Variants in INSL6 observed in about 807,000 individuals in gnomAD.
INSL6 encodes insulin like 6.
A neutral mutation model predicts 9.4 loss-of-function variants in INSL6; 16 were observed. The ratio of observed to expected loss-of-function variants is 1.70; its 90% CI spans 1.15 to 2.59. The LOEUF (loss-of-function observed/expected upper bound fraction) is 2.59. Ranked by LOEUF, INSL6 falls within the 30% of genes most tolerant of loss-of-function variation. The pLI, the probability that INSL6 is intolerant of heterozygous loss-of-function variation, is 0.00. For synonymous variants in INSL6, 154 were observed against 96.9 expected (o/e 1.59, Z -3.46); for missense variants, 391 against 257.3 (o/e 1.52, Z -3.56).
the INSL6 span, among the ~76,000 whole-genome samples, chr9:5,029,001 G>C: frequency 6.6e-6 from 1 of 152,044 alleles, no homozygotes; most frequent in African/African-American, 2.4e-5. Context: ...CTTTTTCTTT[G>C]CATTCAGAAC....
chr9:5,042,167 G>C, the INSL6 span, among the ~76,000 whole-genome samples: 2 of 109,346 alleles, frequency 1.8e-5, no homozygotes, highest in African/African-American at 7.2e-5. Flanking sequence ...GTCTCGCTTT[G>C]TCGCCCAGGC....
At chr9:5,132,773 TG>T (rs1282830471) in intron 3 of INSL6, 8 of 152,232 alleles carry the variant, frequency 5.3e-5, no homozygotes, top group African/African-American at 1.9e-4. Context: ...AAACCAATTA[TG>T]GATGTAGCAA....
the INSL6 span, among the ~76,000 whole-genome samples, chr9:5,040,372 G>A: frequency 6.6e-6 from 1 of 151,808 alleles, no homozygotes; most frequent in Non-Finnish European, 1.5e-5. Flanking sequence ...AAACACAGAA[G>A]TCTTTGTGTA....
chr9:5,183,463 T>C (rs554466554), intron 1 of INSL6, among the ~76,000 whole-genome samples: 3 of 152,358 alleles, frequency 2.0e-5, no homozygotes, highest in East Asian at 3.9e-4. Context: ...ATTAATGACA[T>C]TTATTCTTCC....
chr9:5,152,918 G>A (rs905551472), intron 2 of INSL6, among the ~76,000 whole-genome samples: 2 of 152,170 alleles, frequency 1.3e-5, no homozygotes, highest in African/African-American at 4.8e-5. Flanking sequence ...GCACAGTGGA[G>A]CGTCGCCTCA....
the INSL6 span, among the ~76,000 whole-genome samples, chr9:5,064,657 G>T: frequency 1.3e-5 from 2 of 152,184 alleles, no homozygotes; most frequent in African/African-American, 4.8e-5. Flanking sequence ...AAAGTAAAAT[G>T]ATGGCTATAG....
chr9:5,052,378 T>C, the INSL6 span, among the ~76,000 whole-genome samples: 1 of 152,098 alleles, frequency 6.6e-6, no homozygotes, highest in Non-Finnish European at 1.5e-5. Context: ...TTAGCCAGGA[T>C]ATAAACACAG....
At chr9:4,996,930 T>C in the INSL6 span, among the ~76,000 whole-genome samples, 3 of 42,978 alleles carry the variant, frequency 7.0e-5, no homozygotes, top group Non-Finnish European at 1.2e-4. Context: ...AGTTTGTTCT[T>C]TTTTTTTTTT....
the INSL6 span, among the ~76,000 whole-genome samples, chr9:5,032,938 A>G: frequency 7.9e-5 from 12 of 152,358 alleles, no homozygotes; most frequent in African/African-American, 2.9e-4. Context: ...TCAGACGATC[A>G]AACTACTCCA....
At chr9:5,064,257 C>T in the INSL6 span, among the ~76,000 whole-genome samples, 1 of 151,992 alleles carries the variant, frequency 6.6e-6, no homozygotes, top group African/African-American at 2.4e-5. Context: ...AGGGCTGATG[C>T]CGTGGCTCAC....
chr9:5,040,028 T>C, the INSL6 span, among the ~76,000 whole-genome samples: 1 of 152,320 alleles, frequency 6.6e-6, no homozygotes, highest in South Asian at 2.1e-4. Flanking sequence ...AATACAAAGT[T>C]TGAAGACTTA....
At chr9:5,067,967 T>C in the INSL6 span, among the ~76,000 whole-genome samples, 4 of 151,796 alleles carry the variant, frequency 2.6e-5, no homozygotes, top group Admixed American at 6.6e-5. Flanking sequence ...TCCTGGCCAA[T>C]GTGGTGAAAT....
At chr9:5,121,364 T>G (rs1316746015), downstream of INSL6, among the ~76,000 whole-genome samples, 1 of 152,182 alleles carries the variant, frequency 6.6e-6, no homozygotes, top group African/African-American at 2.4e-5. Flanking sequence ...TAAGAAGACT[T>G]GACAGCACTA....
chr9:5,177,560 G>T (rs1413818902), intron 1 of INSL6, among the ~76,000 whole-genome samples: 1 of 152,212 alleles, frequency 6.6e-6, no homozygotes, highest in Non-Finnish European at 1.5e-5. Context: ...TGGCAAGGCA[G>T]AAGATATGAC....
chr9:5,013,614 T>C, the INSL6 span, among the ~76,000 whole-genome samples: 1 of 152,196 alleles, frequency 6.6e-6, no homozygotes, highest in Admixed American at 6.5e-5. Flanking sequence ...TTTTGCATGC[T>C]TTTCTCCCTG....
the INSL6 span, among the ~76,000 whole-genome samples, chr9:5,096,453 T>A: frequency 6.6e-6 from 1 of 152,142 alleles, no homozygotes; most frequent in South Asian, 2.1e-4. Context: ...AGTTAACAGC[T>A]AAATACCCTA....
the INSL6 span, chr9:5,086,179 C>T: frequency 2.2e-6 from 1 of 465,044 alleles, no homozygotes; most frequent in South Asian, 5.4e-5. Context: ...CCGCCGGTCT[C>T]CAGCAACAGC....
chr9:5,053,103 A>G, the INSL6 span, among the ~76,000 whole-genome samples: 1 of 152,090 alleles, frequency 6.6e-6, no homozygotes, highest in African/African-American at 2.4e-5. Flanking sequence ...CATTACATTC[A>G]CACTAGCAGT....
the INSL6 span, chr9:5,054,905 CT>C: frequency 5.3e-6 from 8 of 1,496,668 alleles, no homozygotes; most frequent in Non-Finnish European, 7.3e-6. The surrounding 1 kb of genome is among the most constrained non-coding windows in gnomAD (Gnocchi z 4.9). Context: ...ATGATATGTT[CT>C]TGTTCTTTGT....
Sources: allele counts gnomAD v4.1 joint callset (sites outside exome capture counted in the v4.1 genomes callset), GRCh38; gene constraint gnomAD v4.1.1; non-coding constraint Gnocchi (gnomAD v3.1); transcripts MANE v1.5; gene names NCBI Gene and HGNC (gene_info 2026-07-23, HGNC 2026-07-21).